The following SLC25A14 variants were observed in gnomAD, a reference collection of about 807,000 sequenced individuals.
The protein encoded by SLC25A14 is brain mitochondrial carrier protein 1.
In SLC25A14, 8 loss-of-function variants were observed where a neutral mutation model predicts 28.1. The observed-to-expected ratio is 0.28, with a 90% CI of 0.17 to 0.51. The LOEUF (loss-of-function observed/expected upper bound fraction) is 0.51. Among genes scored for constraint, SLC25A14 ranks in the 20% least tolerant of loss-of-function variants. The probability of loss-of-function intolerance (pLI) is 0.97; values close to 1 mark genes in which losing one functional copy is unlikely to be tolerated. For synonymous variants in SLC25A14, 74 were observed against 90.6 expected (o/e 0.82, Z 1.04); for missense variants, 135 against 263.8 (o/e 0.51, Z 3.38).
intron 7 of SLC25A14, among the ~76,000 whole-genome samples, chrX:130,360,815 C>T (rs866912151): frequency 3.0e-4 from 34 of 111,915 alleles, no homozygotes; most frequent in African/African-American, 1.1e-3. Context: ...AATTTACCAT[C>T]TTAACCATTT....
At chrX:130,349,221 A>G (rs755621518) in intron 4 of SLC25A14, 30 bp from the exon 5 acceptor site, 4 of 1,007,618 alleles carry the variant, frequency 4.0e-6, no homozygotes, top group Non-Finnish European at 5.5e-6. Context: ...GAAAATGTTG[A>G]GAATAACTTT....
intron 7 of SLC25A14, among the ~76,000 whole-genome samples, chrX:130,359,336 G>A (rs1172502518): frequency 1.1e-5 from 1 of 93,695 alleles, no homozygotes; most frequent in Non-Finnish European, 2.1e-5. Flanking sequence ...CTAGGTGACA[G>A]GGCGAGACTC....
At chrX:130,343,580 T>C (rs2033333188) in intron 2 of SLC25A14, among the ~76,000 whole-genome samples, 1 of 111,115 alleles carries the variant, frequency 9.0e-6, no homozygotes, top group Non-Finnish European at 1.9e-5. Context: ...CTATCTTCTC[T>C]GGAAAATTGT....
chrX:130,355,575 AT>A (rs1351934298), intron 6 of SLC25A14, among the ~76,000 whole-genome samples: 2 of 111,870 alleles, frequency 1.8e-5, no homozygotes, highest in African/African-American at 6.5e-5. Flanking sequence ...CATAAAAGGA[AT>A]ATTTTTCTAT....
chrX:130,348,140 C>T (rs1295064621), intron 4 of SLC25A14, among the ~76,000 whole-genome samples: 1 of 110,959 alleles, frequency 9.0e-6, no homozygotes, highest in Non-Finnish European at 1.9e-5. Context: ...TGGTCAGGTT[C>T]TGCTGAGGTC....
At chrX:130,358,975 C>T in intron 7 of SLC25A14, 3 of 978,514 alleles carry the variant, frequency 3.1e-6, no homozygotes, top group South Asian at 4.1e-5. Flanking sequence ...CGATCATATT[C>T]ACAGTGAATG....
At chrX:130,352,848 C>T (rs952007909) in intron 6 of SLC25A14, among the ~76,000 whole-genome samples, 1 of 112,081 alleles carries the variant, frequency 8.9e-6, no homozygotes, top group Non-Finnish European at 1.9e-5. Flanking sequence ...AATATTTTCT[C>T]CCATTCTATA....
At chrX:130,365,513 G>A (rs1474716772) in intron 8 of SLC25A14, 28 bp from the exon 9 acceptor site, 1 of 1,209,323 alleles carries the variant, frequency 8.3e-7, no homozygotes, top group Admixed American at 2.2e-5. Flanking sequence ...TGAAAGTGGG[G>A]TCGATCTACT....
At chrX:130,345,097 A>G in intron 2 of SLC25A14, 85 bp from the exon 3 acceptor site, 2 of 669,130 alleles carry the variant, frequency 3.0e-6, no homozygotes, top group Admixed American at 2.8e-5. Context: ...TTTATTTGCC[A>G]ATTTTGTTTA....
intron 2 of SLC25A14, among the ~76,000 whole-genome samples, chrX:130,342,265 A>C (rs1364064161): frequency 8.9e-6 from 1 of 112,031 alleles, no homozygotes; most frequent in African/African-American, 3.2e-5. Context: ...GGTGTGACAC[A>C]ACACGCATGC....
Position 130,340,185 on chromosome X carries a change from C to G in SLC25A14, c.-94C>G. The stretch of plus-strand genomic sequence containing the variant: ...GATTGAACCCTGCTTCCTCGACCCC[C>G]CTGGGAGGCCGCCTTCTTCAGGCGC... On this transcript the variant is annotated 5_prime_UTR_variant, in exon 2 of 11. Coordinates refer to ENST00000545805, the MANE Select transcript of SLC25A14 (RefSeq NM_001282195.2). The G allele has an allele frequency of 8.5e-7, 1 of 1,181,189 alleles. No individual in the cohort carries two copies. Among genetic ancestry groups the G allele is most frequent in the Non-Finnish European group, 1.1e-6 (1 of 882,822 alleles).
chrX:130,351,005 ATCCAC>A (rs2033607914), intron 6 of SLC25A14, among the ~76,000 whole-genome samples: 1 of 111,608 alleles, frequency 9.0e-6, no homozygotes, highest in African/African-American at 3.2e-5. Context: ...ATATGTGTTA[ATCCAC>A]TGGTCCTCAC....
intron 7 of SLC25A14, 87 bp downstream of exon 7, chrX:130,358,822 T>G: frequency 1.4e-6 from 1 of 737,568 alleles, no homozygotes; most frequent in Non-Finnish European, 2.0e-6. Context: ...CATAAAATCG[T>G]GAATTATAAT....
rs1455196428 is a variant in SLC25A14, at chrX:130,345,174, A to G, written c.76-8A>G. ...TTGTGCCTTGTTCTGATTTGTGTTT[A>G]TTTTTAGCACCAGAAAAGTACCACT... On this transcript the variant is annotated splice_region_variant and splice_polypyrimidine_tract_variant and intron_variant, in intron 2 of 10. Coordinates refer to ENST00000545805, the MANE Select transcript of SLC25A14 (RefSeq NM_001282195.2). The G allele has an allele frequency of 1.0e-5, 12 of 1,151,758 alleles. No homozygotes were observed. The highest frequency in any genetic ancestry group is 1.4e-5 in the Non-Finnish European group (12 of 842,315). The allele number at this position is 1,151,758 out of a possible 1,213,427, so 94.9% of individuals were successfully genotyped here.
At chrX:130,354,214 C>T (rs1332389867) in intron 6 of SLC25A14, among the ~76,000 whole-genome samples, 1 of 108,830 alleles carries the variant, frequency 9.2e-6, no homozygotes, top group East Asian at 2.9e-4. Context: ...CCCGGGTTCA[C>T]GCCATTCTCC....
chrX:130,365,044 T>C (rs2034081019), intron 8 of SLC25A14: 1 of 779,489 alleles, frequency 1.3e-6, no homozygotes. Context: ...ACATCTATTA[T>C]TTGCTTTGGT....
chrX:130,362,355 C>G (rs2033998197), intron 7 of SLC25A14, among the ~76,000 whole-genome samples: 2 of 109,127 alleles, frequency 1.8e-5, no homozygotes. Context: ...CAGAGCAGCC[C>G]CACTTTATAA....
rs1035424557 is a variant in SLC25A14 at position 130,369,919 on chromosome X, C to A, written c.856-1645C>A. 2.7e-5 allele frequency among the ~76,000 whole-genome samples: 3 copies of A among 111,996 alleles called. No individual in the cohort carries two copies. In the East Asian group the frequency reaches 8.3e-4, roughly 31 times the overall value. ...AGAGCTTTAAGCAGGAAATGTTATG[C>A]TCTCATTTATAATTTTAAAAGATTG... On this transcript the variant is annotated intron_variant, in intron 9 of 10. Coordinates refer to ENST00000545805, the MANE Select transcript of SLC25A14 (RefSeq NM_001282195.2).
At chrX:130,345,423 A>G (rs2033401895) in intron 3 of SLC25A14, 148 bp downstream of exon 3, 1 of 439,049 alleles carries the variant, frequency 2.3e-6, no homozygotes, top group Non-Finnish European at 4.0e-6. Context: ...TATTTCAGGG[A>G]AAGTACTACT....
Sources: gnomAD v4.1 joint callset for allele counts (sites outside exome capture counted in the v4.1 genomes callset) on GRCh38, gnomAD v4.1.1 for gene constraint, MANE v1.5 for transcripts, NCBI Gene and HGNC (gene_info 2026-07-23, HGNC 2026-07-21) for gene names.